The following INPP5A variants were observed in gnomAD, a reference collection of about 807,000 sequenced individuals.
INPP5A encodes 43 kDa inositol polyphosphate 5-phophatase.
In INPP5A, 14 loss-of-function variants were observed where a neutral mutation model predicts 65.2. The observed-to-expected ratio is 0.21, with a 90% CI of 0.14 to 0.34. The LOEUF (loss-of-function observed/expected upper bound fraction) is 0.34, where lower values mean the gene tolerates loss of function less well. INPP5A is among the 10% of genes least tolerant of loss of function. The pLI is 1.00. For synonymous variants in INPP5A, 207 were observed against 208.3 expected, an observed-to-expected ratio of 0.99 and a Z score of 0.05; for missense variants, 431 against 545.6, an observed-to-expected ratio of 0.79 and a Z score of 2.09.
At chr10:132,595,572 T>C (rs1443369413) in intron 1 of INPP5A, among the ~76,000 whole-genome samples, 1 of 152,174 alleles carries the variant, frequency 6.6e-6, no homozygotes, top group East Asian at 1.9e-4. Flanking sequence ...TACATTCCAG[T>C]GTTTGTTGGT....
intron 12 of INPP5A, among the ~76,000 whole-genome samples, chr10:132,777,392 A>G (rs1393913692): frequency 2.0e-5 from 3 of 152,234 alleles, no homozygotes; most frequent in Non-Finnish European, 4.4e-5. Flanking sequence ...AAAAACCAAC[A>G]AAAACCAAAG....
chr10:132,656,567 G>T (rs1187198519), intron 4 of INPP5A, among the ~76,000 whole-genome samples: 1 of 152,202 alleles, frequency 6.6e-6, no homozygotes. Context: ...GGTTGGAGGA[G>T]CGGCTGGGGA....
intron 2 of INPP5A, among the ~76,000 whole-genome samples, chr10:132,621,800 T>A (rs910591116): frequency 1.8e-4 from 27 of 151,208 alleles, no homozygotes; most frequent in Middle Eastern, 3.5e-3. Flanking sequence ...TTTTTTTTTT[T>A]AAATCTGTGT....
At chr10:132,725,877 CTTTT>C (rs1193709909) in intron 8 of INPP5A, among the ~76,000 whole-genome samples, 1 of 152,118 alleles carries the variant, frequency 6.6e-6, no homozygotes, top group South Asian at 2.1e-4. Flanking sequence ...AGAGTATTTC[CTTTT>C]TTTGTCTACA....
intron 1 of INPP5A, among the ~76,000 whole-genome samples, chr10:132,607,339 G>A (rs1590863724): frequency 1.3e-5 from 2 of 152,366 alleles, no homozygotes; most frequent in Admixed American, 6.5e-5. Flanking sequence ...GTGGCATGTG[G>A]TAGGTTTTCT....
chr10:132,632,840 G>C (rs2072292959), intron 2 of INPP5A, among the ~76,000 whole-genome samples: 1 of 152,236 alleles, frequency 6.6e-6, no homozygotes, highest in East Asian at 1.9e-4. Flanking sequence ...TACTCACACA[G>C]TATTTGATGT....
chr10:132,577,145 C>T (rs1022847398), intron 1 of INPP5A, among the ~76,000 whole-genome samples: 105 of 152,204 alleles, frequency 6.9e-4, no homozygotes, highest in African/African-American at 2.4e-3. Flanking sequence ...GAGGGACCCC[C>T]AGGCAGGGCC....
rs1590812929 is a variant in INPP5A at position 132,537,830 on chromosome 10, C to G, written c.-267C>G. On this transcript the variant is annotated 5_prime_UTR_variant, in exon 1 of 16. Transcript: ENST00000368594. ...TCGGCGGCGGCTGCGGGAACTTTCC[C>G]AGCGGATCTAATGGCTGCGCGCGGG... is the stretch of plus-strand genomic sequence containing the variant. 2.7e-6 allele frequency: 1 copy of G among 367,090 alleles called. No homozygotes were observed. The highest frequency in any genetic ancestry group is 2.1e-5 in the African/African-American group (1 of 47,118). 22.7% of individuals were successfully genotyped at this position (367,090 alleles called of 1,614,324 possible). A position where few individuals can be genotyped will look rare whatever the true frequency, so the allele number is the denominator to read the frequency against.
At chr10:132,621,489 G>C (rs2072105943) in intron 2 of INPP5A, among the ~76,000 whole-genome samples, 1 of 152,168 alleles carries the variant, frequency 6.6e-6, no homozygotes, top group African/African-American at 2.4e-5. Context: ...GTTTGTTCTG[G>C]AAAGGTGGTA....
chr10:132,741,668 C>T lies in INPP5A; in HGVS notation c.733-7849C>T, dbSNP rs1038728840. 2.6e-5 allele frequency among the ~76,000 whole-genome samples: 4 copies of T among 152,032 alleles called. No homozygotes were observed. Among genetic ancestry groups the T allele is most frequent in the Non-Finnish European group, 2.9e-5 (2 of 68,036 alleles). On this transcript the variant is annotated intron_variant, in intron 9 of 15. Coordinates refer to ENST00000368594, the MANE Select transcript of INPP5A (RefSeq NM_005539.5). This position sits in a 1 kb window ranked among gnomAD's most constrained non-coding sequence, Gnocchi z 4.4. ...GAATGAAGGTGGACGTTGGTATCCG[C>T]GTCCGCTTGCTTTTCTCAATAGCCA...
intron 1 of INPP5A, among the ~76,000 whole-genome samples, chr10:132,588,286 A>G (rs1430665252): frequency 6.6e-6 from 1 of 152,180 alleles, no homozygotes; most frequent in African/African-American, 2.4e-5. Context: ...AGGTTCAGCT[A>G]ACAGGAATAA....
chr10:132,609,195 T>G (rs1453874904), intron 2 of INPP5A, among the ~76,000 whole-genome samples: 1 of 152,264 alleles, frequency 6.6e-6, no homozygotes, highest in African/African-American at 2.4e-5. Context: ...GAGAGACATC[T>G]TTCCCTTTTG....
chr10:132,635,631 G>A (rs562899287), intron 2 of INPP5A, among the ~76,000 whole-genome samples: 19 of 151,630 alleles, frequency 1.3e-4, no homozygotes, highest in Admixed American at 2.0e-4. Flanking sequence ...TCCTGACCTC[G>A]TGACCCGCCC....
intron 1 of INPP5A, among the ~76,000 whole-genome samples, chr10:132,543,232 G>A (rs138967171): frequency 9.3e-4 from 142 of 152,058 alleles, no homozygotes; most frequent in Admixed American, 1.7e-3. Flanking sequence ...TAGCACCCAA[G>A]CCCCACGTCC....
At chr10:132,724,710 G>T (rs1845954401) in intron 8 of INPP5A, among the ~76,000 whole-genome samples, 1 of 147,818 alleles carries the variant, frequency 6.8e-6, no homozygotes, top group Non-Finnish European at 1.5e-5. Flanking sequence ...GCAGATGGGG[G>T]TTACTCACTC....
chr10:132,571,525 A>T (rs2071341666), intron 1 of INPP5A, among the ~76,000 whole-genome samples: 1 of 152,246 alleles, frequency 6.6e-6, no homozygotes, highest in Non-Finnish European at 1.5e-5. Flanking sequence ...TTTGGACTAC[A>T]CAGAGCTATT....
chr10:132,657,565 G>T (rs2072674237), intron 4 of INPP5A, among the ~76,000 whole-genome samples: 1 of 152,152 alleles, frequency 6.6e-6, no homozygotes, highest in South Asian at 2.1e-4. Flanking sequence ...TGGGGTGGGG[G>T]GCCCCAGTAC....
chr10:132,692,381 A>G (rs1196096358), intron 5 of INPP5A, among the ~76,000 whole-genome samples: 1 of 152,200 alleles, frequency 6.6e-6, no homozygotes, highest in African/African-American at 2.4e-5. Context: ...TAATGTAGTA[A>G]TGGTTTAGAA....
In INPP5A at chr10:132,780,858, G is replaced by A. The variant is rs958145264; in HGVS notation, c.1099G>A (p.Glu367Lys). Residue 367 changes from glutamate to lysine, a missense_variant, in exon 14 of 16, where the codon GAG becomes AAG. Transcript: ENST00000368594. ...TGTTTCCCCTTTCCAGTCGGAGAGC[G>A]AGGAGAAGGTTGTCACCTATGACCA... is the stretch of plus-strand genomic sequence containing the variant. ...AKELVLRSES[E>K]EKVVTYDHIG... The A allele has an allele frequency of 1.1e-5, 18 of 1,613,210 alleles. No individual in the cohort carries two copies. The highest frequency in any genetic ancestry group is 1.7e-4 in the Middle Eastern group (1 of 6,060).
Sources: allele counts gnomAD v4.1 joint callset (sites outside exome capture counted in the v4.1 genomes callset), GRCh38; gene constraint gnomAD v4.1.1; non-coding constraint Gnocchi (gnomAD v3.1); transcripts MANE v1.5; gene names NCBI Gene and HGNC (gene_info 2026-07-23, HGNC 2026-07-21).